ZNF396: variants seen among roughly 807,000 people sequenced by gnomAD.
The protein encoded by ZNF396 is zinc finger and SCAN domain-containing protein 14.
Under a neutral mutation model 20.5 loss-of-function variants are expected in ZNF396, and 14 were observed. That is an observed-to-expected ratio of 0.68 (90% confidence interval 0.45 to 1.07). The LOEUF is 1.07. Among genes scored for constraint, ZNF396 ranks in the 50% least tolerant of loss-of-function variants. The pLI, the probability that ZNF396 is intolerant of heterozygous loss-of-function variation, is 0.00. For synonymous variants in ZNF396, 119 were observed against 140.6 expected (o/e 0.85, Z 1.08); for missense variants, 347 against 390.1 (o/e 0.89, Z 0.93).
At position 35,369,535 on chromosome 18, in the gene ZNF396, C is replaced by T. The variant is rs1413629001; in HGVS notation, c.688G>A (p.Gly230Arg). Residue 230 changes from glycine to arginine, a missense_variant, in exon 4 of 4, where the codon GGA (glycine) becomes AGA (arginine). Transcript: ENST00000589332. ...MNGSQSSTYRGTYEQDGRFEK... is the reference protein window; with the variant it reads ...MNGSQSSTYRRTYEQDGRFEK... ...AACCTACCATCTTGTTCATAGGTTC[C>T]TCTATATGTGGAACTCTGGGAGCCA... is the stretch of plus-strand genomic sequence containing the variant. The T allele has an allele frequency of 3.1e-6, 5 of 1,613,956 alleles. No homozygotes were observed. The highest frequency in any genetic ancestry group is 1.7e-5 in the Admixed American group (1 of 60,002).
At position 35,374,241 on chromosome 18, in the gene ZNF396, C is replaced by G. The variant is rs777539789; in HGVS notation, c.52G>C (p.Glu18Gln). 3 of 1,614,210 alleles carry G rather than the reference C, an allele frequency of 1.9e-6. No individual in the cohort carries two copies. The Admixed American group carries it at 5.0e-5, about 27-fold the overall frequency. The part of the protein sequence containing the change: ...SSSLLTQTSE[E>Q]CNGILTEKME... ...TTCTCTGTCAGAATCCCATTACACT[C>G]CTCTGAAGTTTGTGTTAGGAGTGAT... Residue 18 changes from glutamate (E) to glutamine (Q), a missense_variant, in exon 2 of 4, where the codon GAG (glutamate) becomes CAG (glutamine). Transcript: ENST00000589332. The surrounding 1 kb of genome is among the most constrained non-coding windows in gnomAD (Gnocchi z 4.3).
At chr18:35,370,939 G>A (rs2045171019) in intron 3 of ZNF396, among the ~76,000 whole-genome samples, 1 of 152,092 alleles carries the variant, frequency 6.6e-6, no homozygotes. Flanking sequence ...GACTACTGGG[G>A]GTGCCTTTAT....
At chr18:35,370,438 G>T (rs1175891775) in intron 3 of ZNF396, among the ~76,000 whole-genome samples, 1 of 150,608 alleles carries the variant, frequency 6.6e-6, no homozygotes, top group Admixed American at 6.6e-5. Context: ...TAACTCAGAT[G>T]TGAAAATGCC....
At chr18:35,373,377 T>G (rs752699688) in intron 3 of ZNF396, 79 bp downstream of exon 3, 3 of 1,500,208 alleles carry the variant, frequency 2.0e-6, no homozygotes, top group Non-Finnish European at 1.8e-6. Flanking sequence ...TGAGGCCTCT[T>G]GCATAAATCA....
Position 35,373,937 on chromosome 18 carries a change from T to A in ZNF396, c.356A>T (p.Asn119Ile), listed in dbSNP as rs1302226746. The change falls in exon 2 of 4, where the codon AAT becomes ATT. Residue 119 changes from asparagine to isoleucine, a missense_variant. Transcript: ENST00000589332. ...QAWVQKHHPE[N>I]GEETVTMLED... ...CAGCATAGTCACAGTTTCCTCTCCA[T>A]TCTCTGGATGATGCTTCTGCACCCA... The A allele has an allele frequency of 1.2e-6, 2 of 1,614,224 alleles. No homozygotes were observed. Among genetic ancestry groups the A allele is most frequent in the Non-Finnish European group, 8.5e-7 (1 of 1,180,028 alleles).
In ZNF396 at chr18:35,368,759, T is replaced by G. The variant is rs920409634; in HGVS notation, c.*456A>C. 1.0e-6 allele frequency: 1 copy of G among 989,290 alleles called. No individual in the cohort carries two copies. The highest frequency in any genetic ancestry group is 1.2e-6 in the Non-Finnish European group (1 of 832,864). The allele number at this position is 989,290 out of a possible 1,614,324, so 61.3% of individuals were successfully genotyped here. On this transcript the variant is annotated 3_prime_UTR_variant, in exon 4 of 4. Coordinates refer to ENST00000589332, the MANE Select transcript of ZNF396 (RefSeq NM_001322286.2). ...GAGCCAACCGCACCCAGCCAGGAAT[T>G]CTTTTTGAGTGCTTTAATTTTTGGT...
Position 35,374,155 on chromosome 18 carries a change from G to A in ZNF396, c.138C>T (p.Tyr46=), listed in dbSNP as rs147189325. Residue 46 remains tyrosine, a synonymous_variant, in exon 2 of 4, where the codon TAC becomes TAT. Transcript: ENST00000589332. This position sits in a 1 kb window ranked among gnomAD's most constrained non-coding sequence, Gnocchi z 4.3. ...PDSSLHWSSS[Y]SPETFRQQFR... ...ATTGCTGGCGGAAGGTCTCTGGGCT[G>A]TAGCTGCTGCTCCAGTGGAGGCTAG... 245 of 1,614,246 alleles carry A rather than the reference G, an allele frequency of 1.5e-4. 1 individual carries two copies. The African/African-American group carries it at 1.8e-3, about 12-fold the overall frequency.
In ZNF396 at chr18:35,368,449, G is replaced by C; in HGVS notation, c.*766C>G. On this transcript the variant is annotated 3_prime_UTR_variant, in exon 4 of 4. Coordinates refer to ENST00000589332, the MANE Select transcript of ZNF396 (RefSeq NM_001322286.2). ...ATCGCATGTTCATATTTTGAATCTA[G>C]TAACAGAAGACAAAATAGGAATTTA... 1 of 1,335,082 alleles carries C rather than the reference G, an allele frequency of 7.5e-7. No homozygotes were observed. Among genetic ancestry groups the C allele is most frequent in the South Asian group, 2.4e-5 (1 of 42,062 alleles). 82.7% of individuals were successfully genotyped at this position (1,335,082 alleles called of 1,614,324 possible).
chr18:35,371,554 G>T (rs1222379784), intron 3 of ZNF396, among the ~76,000 whole-genome samples: 1 of 152,176 alleles, frequency 6.6e-6, no homozygotes, highest in Non-Finnish European at 1.5e-5. Context: ...AGAGTCCTGA[G>T]GCAGTGGAGG....
chr18:35,371,420 G>A (rs1366073067), intron 3 of ZNF396, among the ~76,000 whole-genome samples: 2 of 152,092 alleles, frequency 1.3e-5, no homozygotes, highest in Admixed American at 1.3e-4. Context: ...GTTTAGAATA[G>A]AATACCTGAA....
chr18:35,375,301 A>G (rs76279080), intron 1 of ZNF396, among the ~76,000 whole-genome samples: 1 of 24,648 alleles, frequency 4.1e-5, no homozygotes, highest in Admixed American at 3.0e-4. Flanking sequence ...AAAAAAAAAA[A>G]AAGAAAAAAC....
chr18:35,375,270 C>A (rs2143914899), intron 1 of ZNF396, among the ~76,000 whole-genome samples: 1 of 142,698 alleles, frequency 7.0e-6, no homozygotes, highest in South Asian at 2.2e-4. Flanking sequence ...CATAATGGGA[C>A]CCCATCTCTA....
chr18:35,367,886 A>T lies in ZNF396; in HGVS notation c.*1329T>A, dbSNP rs996553043. On this transcript the variant is annotated 3_prime_UTR_variant, in exon 4 of 4. Coordinates refer to ENST00000589332, the MANE Select transcript of ZNF396 (RefSeq NM_001322286.2). ...GGTCTCATTTCATGACAGCGTGTCTAGAAACTCATCTTACTAAGAATACAG... is the reference window on the plus strand; with the variant it reads ...GGTCTCATTTCATGACAGCGTGTCTTGAAACTCATCTTACTAAGAATACAG... The T allele has an allele frequency of 1.3e-5, 2 of 152,246 alleles. No homozygotes were observed. The highest frequency in any genetic ancestry group is 4.8e-5 in the African/African-American group (2 of 41,460). 9.4% of individuals were successfully genotyped at this position (152,246 alleles called of 1,614,324 possible).
intron 1 of ZNF396, among the ~76,000 whole-genome samples, chr18:35,375,387 A>AC (rs1435222975): frequency 6.6e-6 from 1 of 151,904 alleles, no homozygotes; most frequent in Non-Finnish European, 1.5e-5. Context: ...TTACTTAACT[A>AC]TTTTAAAATA....
In ZNF396 at chr18:35,369,259, G is replaced by C. The variant is rs754397738; in HGVS notation, c.964C>G (p.Leu322Val). The C allele has an allele frequency of 1.2e-6, 2 of 1,609,946 alleles. No individual in the cohort carries two copies. Among genetic ancestry groups the C allele is most frequent in the East Asian group, 4.5e-5 (2 of 44,872 alleles). ...CGKAFSQSSN[L>V]FRHRKRHIRK... ...ATGTGTCTTTTCCTATGTCTAAAAAGATTTGAGCTCTGACTAAAGGCTTTG... is the reference window on the plus strand; with the variant it reads ...ATGTGTCTTTTCCTATGTCTAAAAACATTTGAGCTCTGACTAAAGGCTTTG... The change falls in exon 4 of 4, where the codon CTT (leucine) becomes GTT (valine). Residue 322 changes from leucine to valine, a missense_variant. Leu to Val is a conservative substitution (Grantham distance 32). Coordinates refer to ENST00000589332, the MANE Select transcript of ZNF396 (RefSeq NM_001322286.2).
rs762395918 is a variant in ZNF396, at chr18:35,369,431, T to G, written c.792A>C (p.Ser264=). 1 of 1,614,266 alleles carries G rather than the reference T, an allele frequency of 6.2e-7. No homozygotes were observed. Among genetic ancestry groups the G allele is most frequent in the Admixed American group, 1.7e-5 (1 of 60,034 alleles). The change falls in exon 4 of 4, where the codon TCA becomes TCC. Residue 264 remains serine (S), a synonymous_variant. Coordinates refer to ENST00000589332, the MANE Select transcript of ZNF396 (RefSeq NM_001322286.2). ...DECGKIFSQS[S]ALILHQRIHS... is the part of the protein sequence containing the mutation. ...GGATTCTCTGATGTAAAATAAGGGC[T>G]GAGCTCTGACTAAAGATTTTGCCAC...
rs747564819 is a variant in ZNF396 at position 35,373,625 on chromosome 18, G to A, written c.418-25C>T. The A allele has an allele frequency of 8.1e-6, 13 of 1,611,538 alleles. No homozygotes were observed. In the Middle Eastern group the frequency reaches 8.2e-4, roughly 102 times the overall value. On this transcript the variant is annotated intron_variant, in intron 2 of 3. Transcript: ENST00000589332. ...TCTAAAAACAGGAATAATTGAGGCT[G>A]AAGAACACCATCAGGTTGGGACTTG...
At position 35,374,456 on chromosome 18, in the gene ZNF396, T is replaced by C. The variant is rs2045231325; in HGVS notation, c.-72-92A>G. 2 of 623,098 alleles carry C rather than the reference T, an allele frequency of 3.2e-6. No homozygotes were observed. Among genetic ancestry groups the C allele is most frequent in the Admixed American group, 3.0e-5 (1 of 33,402 alleles). 38.6% of individuals were successfully genotyped at this position (623,098 alleles called of 1,614,324 possible). ...CTAAGATTAGAAACATAAGACTGTATAGGAACTACTGACCTTAGTCTTAAC... is the reference window on the plus strand; with the variant it reads ...CTAAGATTAGAAACATAAGACTGTACAGGAACTACTGACCTTAGTCTTAAC... On this transcript the variant is annotated intron_variant, in intron 1 of 3. Transcript: ENST00000589332. This position sits in a 1 kb window ranked among gnomAD's most constrained non-coding sequence, Gnocchi z 4.3.
intron 1 of ZNF396, among the ~76,000 whole-genome samples, chr18:35,376,965 C>CCACCG (rs1407706831): frequency 2.0e-5 from 3 of 152,120 alleles, no homozygotes; most frequent in African/African-American, 7.2e-5. Context: ...CCTCCCGCGC[C>CCACCG]CACCGCGCCG....
Sources: allele counts gnomAD v4.1 joint callset (sites outside exome capture counted in the v4.1 genomes callset), GRCh38; gene constraint gnomAD v4.1.1; non-coding constraint Gnocchi (gnomAD v3.1); transcripts MANE v1.5; gene names NCBI Gene and HGNC (gene_info 2026-07-23, HGNC 2026-07-21).